The following PHLDB2 variants were observed in gnomAD, a reference collection of about 807,000 sequenced individuals.
PHLDB2 encodes pleckstrin homology like domain family B member 2, also known as pleckstrin homology-like domain family B member 2.
In PHLDB2, 71 loss-of-function variants were observed where a neutral mutation model predicts 123.6. That is an observed-to-expected ratio of 0.57 (90% confidence interval 0.47 to 0.70). PHLDB2 has a LOEUF of 0.70. PHLDB2 is among the 30% of genes least tolerant of loss of function. PHLDB2 has a pLI of 0.00. For synonymous variants in PHLDB2, 547 were observed against 541.6 expected, an observed-to-expected ratio of 1.01 and a Z score of -0.14; for missense variants, 1,446 against 1,519.5, an observed-to-expected ratio of 0.95 and a Z score of 0.80.
chr3:111,944,933 A>C (rs765521677), intron 8 of PHLDB2, among the ~76,000 whole-genome samples: 1 of 152,148 alleles, frequency 6.6e-6, no homozygotes, highest in Non-Finnish European at 1.5e-5. Flanking sequence ...AGCCTCCCAA[A>C]GTGCTGGGGA....
chr3:111,825,095 T>A (rs917074980), intron 1 of PHLDB2, among the ~76,000 whole-genome samples: 1 of 152,180 alleles, frequency 6.6e-6, no homozygotes, highest in Non-Finnish European at 1.5e-5. Flanking sequence ...TGCTCACCAT[T>A]TACAGGTAAG....
chr3:111,825,965 A>G (rs895393532), intron 1 of PHLDB2, among the ~76,000 whole-genome samples: 1 of 152,004 alleles, frequency 6.6e-6, no homozygotes, highest in African/African-American at 2.4e-5. Flanking sequence ...AATTTGGATT[A>G]TTTTATTTTT....
intron 1 of PHLDB2, among the ~76,000 whole-genome samples, chr3:111,825,056 C>G (rs952098096): frequency 6.6e-6 from 1 of 152,064 alleles, no homozygotes; most frequent in Non-Finnish European, 1.5e-5. Flanking sequence ...ATGGTAAACC[C>G]CTGAGAAGAA....
intron 3 of PHLDB2, chr3:111,916,293 A>G (rs2068173040): frequency 6.6e-6 from 1 of 152,230 alleles, no homozygotes; most frequent in Non-Finnish European, 1.5e-5. Flanking sequence ...GTGTAGAAAG[A>G]GTACAAGTGA....
At position 111,763,856 on chromosome 3, in the gene PHLDB2, T is replaced by A. The variant is rs143421036; in HGVS notation, c.-49+31153T>A. 6.2e-3 allele frequency among the ~76,000 whole-genome samples: 941 copies of A among 152,282 alleles called. 9 individuals carry two copies. The highest frequency in any genetic ancestry group is 0.041 in the Middle Eastern group (12 of 294). On this transcript the variant is annotated intron_variant, in intron 1 of 17. Coordinates refer to the PHLDB2 transcript ENST00000393923. The stretch of plus-strand genomic sequence containing the variant: ...CCAGACACTGAATCTGTTGGTGCCT[T>A]GATCTTAGACTTCCCAGTTCCTAGA...
At chr3:111,960,119 A>G (rs2071308190) in intron 12 of PHLDB2, 1 of 790,078 alleles carries the variant, frequency 1.3e-6, no homozygotes. Context: ...CATTTGCATA[A>G]TAAATAATTG....
chr3:111,784,210 AC>A (rs2060593766), intron 1 of PHLDB2, among the ~76,000 whole-genome samples: 1 of 152,180 alleles, frequency 6.6e-6, no homozygotes, highest in South Asian at 2.1e-4. Flanking sequence ...ATATGTCCGA[AC>A]AGGAATTTCT....
chr3:111,922,893 C>T (rs2107538314), intron 5 of PHLDB2, among the ~76,000 whole-genome samples: 1 of 152,204 alleles, frequency 6.6e-6, no homozygotes, highest in African/African-American at 2.4e-5. Context: ...CCATCAAAGA[C>T]CACTCCCTTT....
At chr3:111,903,479 A>C (rs2067318317) in intron 2 of PHLDB2, among the ~76,000 whole-genome samples, 1 of 152,138 alleles carries the variant, frequency 6.6e-6, no homozygotes, top group Non-Finnish European at 1.5e-5. Flanking sequence ...GGTGGCCTTG[A>C]GGGAATTTTG....
intron 1 of PHLDB2, among the ~76,000 whole-genome samples, chr3:111,863,884 T>TACTC (rs1439232953): frequency 6.6e-6 from 1 of 152,234 alleles, no homozygotes; most frequent in Non-Finnish European, 1.5e-5. Context: ...CAAACATGTA[T>TACTC]ACTCTCCTGT....
At chr3:111,736,570 C>T (rs759299459) in intron 1 of PHLDB2, among the ~76,000 whole-genome samples, 14 of 152,132 alleles carry the variant, frequency 9.2e-5, no homozygotes, top group East Asian at 1.9e-4. Context: ...TAAATATTCA[C>T]GCAGTTCCCT....
chr3:111,865,525 G>C (rs1282998), intron 1 of PHLDB2, among the ~76,000 whole-genome samples: 167 of 152,214 alleles, frequency 1.1e-3, no homozygotes, highest in African/African-American at 3.9e-3. Context: ...CAGAAAGTTG[G>C]AGCAGAAAGA....
chr3:111,760,480 G>GA (rs2059974383), intron 1 of PHLDB2, among the ~76,000 whole-genome samples: 1 of 152,094 alleles, frequency 6.6e-6, no homozygotes, highest in South Asian at 2.1e-4. Context: ...TTTCAATTAG[G>GA]AAAAGCAGCA....
At chr3:111,875,543 C>A (rs1403682550) in intron 1 of PHLDB2, among the ~76,000 whole-genome samples, 1 of 151,738 alleles carries the variant, frequency 6.6e-6, no homozygotes, top group East Asian at 1.9e-4. Context: ...GTTTAATTGG[C>A]AAGACACAGT....
intron 1 of PHLDB2, among the ~76,000 whole-genome samples, chr3:111,797,912 G>A (rs1166545323): frequency 3.3e-5 from 5 of 152,284 alleles, no homozygotes; most frequent in Non-Finnish European, 7.4e-5. Context: ...TGGAAGGATC[G>A]CTTGAGCCCA....
chr3:111,875,242 G>A (rs901961668), intron 1 of PHLDB2, among the ~76,000 whole-genome samples: 3 of 151,850 alleles, frequency 2.0e-5, no homozygotes, highest in Non-Finnish European at 4.4e-5. Context: ...TCCGCCTCCC[G>A]GGTTCAGGTG....
chr3:111,876,429 C>T (rs2065623031), intron 1 of PHLDB2, among the ~76,000 whole-genome samples: 1 of 152,012 alleles, frequency 6.6e-6, no homozygotes, highest in Non-Finnish European at 1.5e-5. Flanking sequence ...GACTAGAAGC[C>T]TTACTAATAA....
At chr3:111,845,772 T>C in intron 1 of PHLDB2, 1 of 1,600,158 alleles carries the variant, frequency 6.2e-7, no homozygotes, top group Non-Finnish European at 8.5e-7. Context: ...TTTTCAGAGG[T>C]CAATTCAGCT....
In PHLDB2 at chr3:111,885,390, G is replaced by A. The variant is rs1447917737; in HGVS notation, c.1313G>A (p.Arg438Lys). 1 of 1,614,154 alleles carries A rather than the reference G, an allele frequency of 6.2e-7. No homozygotes were observed. Among genetic ancestry groups the A allele is most frequent in the Non-Finnish European group, 8.5e-7 (1 of 1,180,032 alleles). ...YHRRQREERL[R>K]EQEMERLERQ... ...CGGCGGCAGAGGGAGGAAAGACTCAGGGAGCAGGAAATGGAGCGATTGGTA... is the reference window on the plus strand; with the variant it reads ...CGGCGGCAGAGGGAGGAAAGACTCAAGGAGCAGGAAATGGAGCGATTGGTA... Residue 438 changes from arginine to lysine, a missense_variant, in exon 2 of 18, where the codon AGG becomes AAG. Transcript: ENST00000431670.
Sources: gnomAD v4.1 joint callset for allele counts (sites outside exome capture counted in the v4.1 genomes callset) on GRCh38, gnomAD v4.1.1 for gene constraint, MANE v1.5 for transcripts, NCBI Gene and HGNC (gene_info 2026-07-23, HGNC 2026-07-21) for gene names.